The following CD84 variants were observed in gnomAD, a reference collection of about 807,000 sequenced individuals.
CD84 encodes SLAM family member 5.
CD84 carries 22 observed loss-of-function variants against 33.8 expected under a neutral mutation model. That is an observed-to-expected ratio of 0.65 (90% confidence interval 0.46 to 0.93). CD84 has a LOEUF of 0.93. Among genes scored for constraint, CD84 ranks in the 40% least tolerant of loss-of-function variants. The pLI is 0.00. For missense variants in CD84, 400 were observed against 397.6 expected (o/e 1.01, Z -0.05); for synonymous variants, 154 against 145.2 (o/e 1.06, Z -0.44).
chr1:160,551,810 G>A (rs996367398), intron 4 of CD84, among the ~76,000 whole-genome samples: 5 of 152,212 alleles, frequency 3.3e-5, no homozygotes, highest in Non-Finnish European at 5.9e-5. Context: ...CTCCCAAAGC[G>A]CTGGGATTAC....
chr1:160,572,557 T>C (rs927928414), intron 1 of CD84, among the ~76,000 whole-genome samples: 3 of 151,574 alleles, frequency 2.0e-5, no homozygotes, highest in Non-Finnish European at 4.4e-5. Context: ...GTTGCTATTA[T>C]TTTGGTGAAT....
At chr1:160,575,494 A>AACACACACAAACACACAC (rs1553234562) in intron 1 of CD84, among the ~76,000 whole-genome samples, 1 of 146,706 alleles carries the variant, frequency 6.8e-6, no homozygotes, top group African/African-American at 2.5e-5. Context: ...GTTCCTTCAA[A>AACACACACAAACACACAC]ACACACACAC....
At chr1:160,578,850 TAG>T (rs890245404) in intron 1 of CD84, among the ~76,000 whole-genome samples, 135 of 152,306 alleles carry the variant, frequency 8.9e-4, no homozygotes, top group African/African-American at 3.2e-3. Context: ...TCATTTATTT[TAG>T]AGTTTGTTGA....
rs1571340998 is a variant in CD84 at position 160,546,641 on chromosome 1, C to T, written c.*1615G>A. Reference sequence around the variant, plus strand: ...TCCAGGCCCCTGCTCATTTTTCATGCTTCTCTCACTTGGAGGCCCTCTGTC... The same window carrying T: ...TCCAGGCCCCTGCTCATTTTTCATGTTTCTCTCACTTGGAGGCCCTCTGTC... On this transcript the variant is annotated 3_prime_UTR_variant, in exon 7 of 7. Coordinates refer to ENST00000368054, the MANE Select transcript of CD84 (RefSeq NM_003874.4). 1 of 152,652 alleles carries T rather than the reference C, an allele frequency of 6.6e-6. No homozygotes were observed. 9.5% of individuals were successfully genotyped at this position (152,652 alleles called of 1,614,324 possible).
intron 1 of CD84, among the ~76,000 whole-genome samples, 166 bp from the exon 2 acceptor site, chr1:160,565,911 T>C (rs1657297662): frequency 6.6e-6 from 1 of 151,980 alleles, no homozygotes; most frequent in Admixed American, 6.6e-5. Flanking sequence ...GTGTATTTAA[T>C]ATGTTATGAC....
At chr1:160,552,716 G>A (rs923214044) in intron 4 of CD84, 17 of 1,548,160 alleles carry the variant, frequency 1.1e-5, no homozygotes, top group African/African-American at 8.2e-5. Flanking sequence ...AGGGTTCTTA[G>A]TGAAGGTGTT....
rs71796944 is a variant in CD84 at position 160,543,624 on chromosome 1, T to TTAG, written c.*4631_*4632insCTA. 2 of 148,346 alleles carry TTAG rather than the reference T, an allele frequency of 1.3e-5. No homozygotes were observed. The highest frequency in any genetic ancestry group is 4.9e-5 in the African/African-American group (2 of 40,798). 9.2% of individuals were successfully genotyped at this position (148,346 alleles called of 1,614,324 possible). ...TTATTTATTATTATTATTATTATTA[T>TTAG]TATTATTTAGGTATATCCCCTGTTC... On this transcript the variant is annotated 3_prime_UTR_variant, in exon 7 of 7. Transcript: ENST00000368054.
chr1:160,575,309 G>A (rs952790011), intron 1 of CD84, among the ~76,000 whole-genome samples: 1 of 152,092 alleles, frequency 6.6e-6, no homozygotes, highest in Non-Finnish European at 1.5e-5. Context: ...AGGGGAAGAG[G>A]AAGCACAGGG....
rs1042917862 is a variant in CD84 at position 160,552,710 on chromosome 1, T to C, written c.760+668A>G. The stretch of plus-strand genomic sequence containing the variant: ...CTTTGTGGCTGAGAACTTACAAGGG[T>C]TCTTAGTGAAGGTGTTCAAGCAGGA... On this transcript the variant is annotated intron_variant, in intron 4 of 6. Transcript: ENST00000368054. The C allele has an allele frequency of 9.6e-5, 148 of 1,547,410 alleles. No individual in the cohort carries two copies. The highest frequency in any genetic ancestry group is 1.3e-4 in the Non-Finnish European group (144 of 1,144,316).
At chr1:160,553,552 T>G in intron 3 of CD84, 55 bp from the exon 4 acceptor site, 1 of 1,605,400 alleles carries the variant, frequency 6.2e-7, no homozygotes, top group Non-Finnish European at 8.5e-7. Context: ...CCCAAGAGGC[T>G]GGGCAGGTTT....
intron 6 of CD84, among the ~76,000 whole-genome samples, chr1:160,549,629 A>G (rs1336872823): frequency 2.6e-5 from 4 of 152,116 alleles, no homozygotes; most frequent in African/African-American, 7.2e-5. Context: ...GACCCCAGGT[A>G]TTATACGGGA....
chr1:160,565,126 C>T (rs546922989), intron 2 of CD84, among the ~76,000 whole-genome samples: 1 of 151,946 alleles, frequency 6.6e-6, no homozygotes, highest in East Asian at 1.9e-4. Flanking sequence ...TCATGATAAC[C>T]CTGGGAAGTG....
intron 1 of CD84, among the ~76,000 whole-genome samples, chr1:160,571,820 C>T (rs1055586317): frequency 2.0e-5 from 3 of 152,062 alleles, no homozygotes; most frequent in Admixed American, 1.3e-4. Flanking sequence ...ATCTGCGTGT[C>T]TGTGTTCTGG....
At chr1:160,549,226 C>G (rs576420690) in intron 6 of CD84, among the ~76,000 whole-genome samples, 114 of 152,244 alleles carry the variant, frequency 7.5e-4, no homozygotes, top group Non-Finnish European at 1.4e-3. Context: ...ACTCTCAATT[C>G]GTACTCAGTT....
chr1:160,563,169 A>T (rs892401815), intron 2 of CD84, among the ~76,000 whole-genome samples: 1 of 152,202 alleles, frequency 6.6e-6, no homozygotes, highest in Non-Finnish European at 1.5e-5. Flanking sequence ...AATTCCAACC[A>T]TTGTGGAAGA....
intron 1 of CD84, chr1:160,571,481 T>A (rs1234322284): frequency 6.6e-6 from 1 of 152,114 alleles, no homozygotes; most frequent in Non-Finnish European, 1.5e-5. Context: ...AGGTTATTGA[T>A]GGCCTTTGAG....
Position 160,554,085 on chromosome 1 carries a change from A to G in CD84, c.450T>C (p.Asn150=). The stretch of plus-strand genomic sequence containing the variant: ...TCTCTACAGAGCATGTCAGTGTGAC[A>G]TTACAGGTGCTGTTCACAGATGCCA... The part of the protein sequence containing the change: ...SLMASVNSTC[N]VTLTCSVEKE... The change falls in exon 3 of 7, where the codon AAT becomes AAC. Residue 150 remains asparagine, a synonymous_variant. Coordinates refer to ENST00000368054, the MANE Select transcript of CD84 (RefSeq NM_003874.4). The G allele has an allele frequency of 6.2e-7, 1 of 1,614,212 alleles. No homozygotes were observed.
Position 160,553,920 on chromosome 1 carries a change from G to A in CD84, c.615C>T (p.Ser205=), listed in dbSNP as rs1357551441. 1.2e-6 allele frequency: 2 copies of A among 1,614,204 alleles called. No individual in the cohort carries two copies. Among genetic ancestry groups the A allele is most frequent in the Non-Finnish European group, 8.5e-7 (1 of 1,180,036 alleles). ...CTGCACAGAGCTGCCGGGCAGAGAT[G>A]GAGTCAGAATTGTTGCTGACAGGGT... ...AQNPVSNNSD[S]ISARQLCADI... is the part of the protein sequence containing the mutation. Residue 205 remains serine, a synonymous_variant, in exon 3 of 7, where the codon TCC becomes TCT. Transcript: ENST00000368054.
In CD84 at chr1:160,565,472, T is replaced by C. The variant is rs754685641; in HGVS notation, c.320A>G (p.Tyr107Cys). The C allele has an allele frequency of 1.7e-5, 27 of 1,613,876 alleles. No individual in the cohort carries two copies. The highest frequency in any genetic ancestry group is 2.2e-5 in the Non-Finnish European group (26 of 1,179,906). ...AGCCTGTGTATTTATGTCTGCTTTGTAGTCTCCTGCGTCTTCCATCCTCAG... is the reference window on the plus strand; with the variant it reads ...AGCCTGTGTATTTATGTCTGCTTTGCAGTCTCCTGCGTCTTCCATCCTCAG... The part of the protein sequence containing the change: ...SDLRMEDAGD[Y>C]KADINTQADP... The change falls in exon 2 of 7, where the codon TAC becomes TGC. Residue 107 changes from tyrosine to cysteine, a missense_variant. By Grantham distance (194) the Tyr-to-Cys change is radical (BLOSUM62 -2). Coordinates refer to ENST00000368054, the MANE Select transcript of CD84 (RefSeq NM_003874.4).
Sources: gnomAD v4.1 joint callset for allele counts (sites outside exome capture counted in the v4.1 genomes callset) on GRCh38, gnomAD v4.1.1 for gene constraint, MANE v1.5 for transcripts, NCBI Gene and HGNC (gene_info 2026-07-23, HGNC 2026-07-21) for gene names.